ANKS1B: variants seen among roughly 807,000 people sequenced by gnomAD.
The protein encoded by ANKS1B is ankyrin repeat and sterile alpha motif domain containing 1B.
ANKS1B carries 36 observed loss-of-function variants against 148.3 expected under a neutral mutation model. The observed-to-expected ratio is 0.24, with a 90% CI of 0.19 to 0.32. ANKS1B has a LOEUF of 0.32. Ranked by LOEUF, ANKS1B falls within the 10% of genes least tolerant of loss-of-function variation. ANKS1B has a pLI of 1.00. For missense variants in ANKS1B, 1,157 were observed against 1,542.6 expected (o/e 0.75, Z 4.19); for synonymous variants, 542 against 560.8 (o/e 0.97, Z 0.47).
chr12:99,924,219 T>C (rs931400466), intron 1 of ANKS1B, among the ~76,000 whole-genome samples: 3 of 152,058 alleles, frequency 2.0e-5, no homozygotes, highest in African/African-American at 7.2e-5. Flanking sequence ...AGACAGTGAA[T>C]ACAGGAAGAG....
chr12:99,056,970 T>G (rs2040411863), intron 16 of ANKS1B, among the ~76,000 whole-genome samples: 1 of 152,186 alleles, frequency 6.6e-6, no homozygotes, highest in Admixed American at 6.5e-5. Context: ...TTTTTTCCAT[T>G]TCAGTTAAGG....
At chr12:99,958,550 T>C (rs1054009171) in intron 1 of ANKS1B, among the ~76,000 whole-genome samples, 2 of 152,058 alleles carry the variant, frequency 1.3e-5, no homozygotes, top group Non-Finnish European at 2.9e-5. Flanking sequence ...GCCTAGCTAA[T>C]TTTTTTGTAT....
Position 98,779,227 on chromosome 12 carries a change from T to C in ANKS1B, c.3441+1890A>G, listed in dbSNP as rs574093931. On this transcript the variant is annotated intron_variant, in intron 24 of 26. Transcript: ENST00000683438. ...AGCAGAGGTTTATGGTTAACTCATCTAATTATTGGCAATTGAAGTAGAAGT... is the reference window on the plus strand; with the variant it reads ...AGCAGAGGTTTATGGTTAACTCATCCAATTATTGGCAATTGAAGTAGAAGT... Among the ~76,000 whole-genome samples the C allele has an allele frequency of 7.2e-5, 11 of 152,348 alleles. No homozygotes were observed. The South Asian group carries it at 8.3e-4, about 11-fold the overall frequency.
chr12:99,026,812 C>CAGATCAATT (rs1249871516), intron 17 of ANKS1B, among the ~76,000 whole-genome samples: 1 of 152,114 alleles, frequency 6.6e-6, no homozygotes, highest in Non-Finnish European at 1.5e-5. Flanking sequence ...ATATACAAAA[C>CAGATCAATT]AGATCAATTA....
chr12:99,195,482 A>G (rs530789177), intron 14 of ANKS1B, among the ~76,000 whole-genome samples: 5 of 152,250 alleles, frequency 3.3e-5, no homozygotes, highest in African/African-American at 1.2e-4. Context: ...TGCAATGAGA[A>G]AAAAAAATTG....
chr12:99,121,509 G>T (rs1429253341), intron 15 of ANKS1B, among the ~76,000 whole-genome samples: 2 of 152,106 alleles, frequency 1.3e-5, no homozygotes, highest in African/African-American at 2.4e-5. Flanking sequence ...TGCATTAAAG[G>T]TCTTGCATTT....
At chr12:98,802,338 C>G (rs1275864519) in intron 20 of ANKS1B, among the ~76,000 whole-genome samples, 3 of 152,080 alleles carry the variant, frequency 2.0e-5, no homozygotes, top group African/African-American at 4.8e-5. Context: ...GACAAGAATG[C>G]AAAATTTTGG....
intron 8 of ANKS1B, among the ~76,000 whole-genome samples, chr12:99,687,150 T>A (rs2098654269): frequency 6.6e-6 from 1 of 152,184 alleles, no homozygotes; most frequent in Non-Finnish European, 1.5e-5. Context: ...TTTAAAGATA[T>A]CATTTCATCA....
rs1001278816 is a variant in ANKS1B, at chr12:98,829,773, G to A, written c.2887-420C>T. Among the ~76,000 whole-genome samples, 2 of 152,166 alleles carry A rather than the reference G, an allele frequency of 1.3e-5. No homozygotes were observed. Among genetic ancestry groups the A allele is most frequent in the Admixed American group, 1.3e-4 (2 of 15,274 alleles). On this transcript the variant is annotated intron_variant, in intron 18 of 26. Transcript: ENST00000683438. This position sits in a 1 kb window ranked among gnomAD's most constrained non-coding sequence, Gnocchi z 5.2. ...GGGTCTTGATCCTTCATCAAAGAAT[G>A]GTCTGACAACAGGGTTGGGAAGAGG...
At chr12:98,958,047 A>T (rs1417586937) in intron 17 of ANKS1B, among the ~76,000 whole-genome samples, 1 of 152,172 alleles carries the variant, frequency 6.6e-6, no homozygotes, top group Non-Finnish European at 1.5e-5. Context: ...GTCTGTTCTC[A>T]CCACCTAAGG....
intron 14 of ANKS1B, among the ~76,000 whole-genome samples, chr12:99,187,210 G>A (rs1349306000): frequency 1.3e-5 from 2 of 151,878 alleles, no homozygotes; most frequent in East Asian, 3.9e-4. Context: ...ACCTACGTTT[G>A]GTTGGTGTAC....
At chr12:99,819,425 A>G (rs533937328) in intron 2 of ANKS1B, among the ~76,000 whole-genome samples, 10 of 151,998 alleles carry the variant, frequency 6.6e-5, no homozygotes, top group African/African-American at 2.2e-4. Flanking sequence ...CTCTTTTATT[A>G]GAAAACCTAA....
In ANKS1B at chr12:99,403,901, C is replaced by T. The variant is rs1198521234; in HGVS notation, c.1576-4090G>A. On this transcript the variant is annotated intron_variant, in intron 11 of 26. Coordinates refer to ENST00000683438, the MANE Select transcript of ANKS1B (RefSeq NM_001352186.2). ...ATGTTCACTGCAGCACTATTCACAA[C>T]GGCAAAGACATGGAATCAATCTAAA... 6.2e-5 allele frequency among the ~76,000 whole-genome samples: 9 copies of T among 146,068 alleles called. 1 individual carries two copies. The highest frequency in any genetic ancestry group is 2.0e-4 in the Admixed American group (3 of 14,748).
chr12:99,034,790 T>C (rs889226814), intron 17 of ANKS1B, among the ~76,000 whole-genome samples: 1 of 152,208 alleles, frequency 6.6e-6, no homozygotes, highest in Non-Finnish European at 1.5e-5. Flanking sequence ...CAAATACTTT[T>C]TGAACATCTT....
At chr12:99,815,273 G>A (rs769220914) in intron 2 of ANKS1B, among the ~76,000 whole-genome samples, 3 of 151,650 alleles carry the variant, frequency 2.0e-5, no homozygotes, top group East Asian at 1.9e-4. Flanking sequence ...GTGAAAAAAC[G>A]TCTATTTTGA....
intron 17 of ANKS1B, among the ~76,000 whole-genome samples, chr12:98,837,831 C>G (rs2099383996): frequency 6.6e-6 from 1 of 151,954 alleles, no homozygotes; most frequent in Non-Finnish European, 1.5e-5. Context: ...TTAATTTAAA[C>G]ATGATGTAAA....
At chr12:98,936,159 C>T (rs1333344675) in intron 17 of ANKS1B, among the ~76,000 whole-genome samples, 2 of 152,114 alleles carry the variant, frequency 1.3e-5, no homozygotes, top group Admixed American at 6.5e-5. Flanking sequence ...TTATTTAGTA[C>T]TCATACCAGT....
chr12:98,983,160 C>T (rs2099915937), intron 17 of ANKS1B, among the ~76,000 whole-genome samples: 2 of 152,176 alleles, frequency 1.3e-5, no homozygotes, highest in Admixed American at 1.3e-4. Flanking sequence ...TACTTGGGGT[C>T]TCACCAGTCT....
chr12:99,300,016 G>A (rs967089964), intron 12 of ANKS1B, among the ~76,000 whole-genome samples: 3 of 152,198 alleles, frequency 2.0e-5, no homozygotes, highest in Non-Finnish European at 4.4e-5. Context: ...TCAATTTTGG[G>A]ACAAGCCACA....
Sources: gnomAD v4.1 joint callset for allele counts (sites outside exome capture counted in the v4.1 genomes callset) on GRCh38, gnomAD v4.1.1 for gene constraint, Gnocchi (gnomAD v3.1) non-coding constraint, MANE v1.5 for transcripts, NCBI Gene and HGNC (gene_info 2026-07-23, HGNC 2026-07-21) for gene names.